FGF14: variants seen among roughly 807,000 people sequenced by gnomAD.
FGF14 encodes fibroblast growth factor homologous factor 4.
Under a neutral mutation model 25.5 loss-of-function variants are expected in FGF14, and 5 were observed. That is an observed-to-expected ratio of 0.20 (90% CI 0.10 to 0.41). The LOEUF (loss-of-function observed/expected upper bound fraction) is 0.41, where lower values mean the gene tolerates loss of function less well. Among genes scored for constraint, FGF14 ranks in the 10% least tolerant of loss-of-function variants. FGF14 has a pLI of 1.00. For missense variants in FGF14, 222 were observed against 320.1 expected (o/e 0.69, Z 2.34); for synonymous variants, 138 against 118.3 (o/e 1.17, Z -1.08).
At chr13:102,279,006 ATGAAC>A (rs1377781346) in intron 1 of FGF14, among the ~76,000 whole-genome samples, 3 of 152,218 alleles carry the variant, frequency 2.0e-5, no homozygotes, top group Non-Finnish European at 4.4e-5. Flanking sequence ...TTTGACATAT[ATGAAC>A]TGGATTGTTT....
At chr13:102,135,454 A>G (rs1408860703) in intron 1 of FGF14, among the ~76,000 whole-genome samples, 1 of 152,230 alleles carries the variant, frequency 6.6e-6, no homozygotes, top group Non-Finnish European at 1.5e-5. Flanking sequence ...GAATGCAATT[A>G]CAAAAAAGCT....
intron 3 of FGF14, among the ~76,000 whole-genome samples, chr13:101,835,122 A>G (rs1251401778): frequency 6.6e-6 from 1 of 152,074 alleles, no homozygotes. Context: ...ATTTCAAAAC[A>G]AGGTTTCAAA....
intron 3 of FGF14, among the ~76,000 whole-genome samples, chr13:101,759,042 T>C (rs1324388522): frequency 6.6e-6 from 1 of 152,238 alleles, no homozygotes; most frequent in East Asian, 1.9e-4. Flanking sequence ...GCTCTGACTA[T>C]GACTGCTTTC....
rs866834630 is a variant in FGF14, at chr13:101,852,251, C to G, written c.408+16474G>C. 6.6e-5 allele frequency among the ~76,000 whole-genome samples: 10 copies of G among 152,042 alleles called. No homozygotes were observed. In the South Asian group the frequency reaches 1.9e-3, roughly 28 times the overall value. The stretch of plus-strand genomic sequence containing the variant: ...CAAAGAAAAGCTGACGTCAAGAAAA[C>G]GTGGGTCTATGTACTTCAACTTTAT... On this transcript the variant is annotated intron_variant, in intron 3 of 4. Transcript: ENST00000376143.
intron 1 of FGF14, among the ~76,000 whole-genome samples, chr13:101,932,756 TAAA>T (rs869271842): frequency 9.1e-5 from 9 of 98,572 alleles, no homozygotes; most frequent in African/African-American, 3.7e-4. Context: ...AAAATTACAG[TAAA>T]AAAAAAAAAA....
At position 101,868,775 on chromosome 13, in the gene FGF14, T is replaced by C. The variant is rs756297243; in HGVS notation, c.358A>G (p.Lys120Glu). 1.2e-6 allele frequency: 2 copies of C among 1,613,820 alleles called. No individual in the cohort carries two copies. The highest frequency in any genetic ancestry group is 3.3e-5 in the Admixed American group (2 of 60,004). ...GLRVVAIQGV[K>E]TGLYIAMNGE... Reference sequence around the variant, plus strand: ...TTCATGGCTATATACAACCCTGTTTTCACTCCCTGGATGGCAACAACACGT... The same window carrying C: ...TTCATGGCTATATACAACCCTGTTTCCACTCCCTGGATGGCAACAACACGT... The change falls in exon 3 of 5, where the codon AAA becomes GAA. Residue 120 changes from lysine (K) to glutamate (E), a missense_variant. Lys to Glu is a moderately conservative substitution (Grantham distance 56). Transcript: ENST00000376143.
intron 1 of FGF14, among the ~76,000 whole-genome samples, chr13:102,208,570 T>C (rs1175138023): frequency 6.6e-6 from 1 of 152,194 alleles, no homozygotes; most frequent in Non-Finnish European, 1.5e-5. Flanking sequence ...CTTGGCTCCA[T>C]GCTACTAAGG....
At chr13:102,338,936 G>A (rs895370371) in intron 1 of FGF14, among the ~76,000 whole-genome samples, 7 of 151,446 alleles carry the variant, frequency 4.6e-5, no homozygotes, top group East Asian at 1.9e-4. Flanking sequence ...CCTTGAACCC[G>A]GGAGGTGGAG....
chr13:101,933,032 A>G lies in FGF14; in HGVS notation c.209-57736T>C, dbSNP rs536252098. 6.7e-4 allele frequency among the ~76,000 whole-genome samples: 102 copies of G among 152,202 alleles called. 4 individuals are homozygous for G. The South Asian group carries it at 0.021, about 31-fold the overall frequency. On this transcript the variant is annotated intron_variant, in intron 1 of 4. Transcript: ENST00000376131. ...TTTAAAATAATCTATTTTTGTCATA[A>G]TTTTTCACTCTATTCATCTCCATCT...
At chr13:101,897,214 C>G (rs1327776313) in intron 1 of FGF14, among the ~76,000 whole-genome samples, 1 of 152,178 alleles carries the variant, frequency 6.6e-6, no homozygotes, top group Non-Finnish European at 1.5e-5. Context: ...TGACAACTCA[C>G]AAATGCTCTC....
At chr13:102,319,549 G>T (rs1280854589) in intron 1 of FGF14, among the ~76,000 whole-genome samples, 3 of 152,200 alleles carry the variant, frequency 2.0e-5, no homozygotes, top group Non-Finnish European at 4.4e-5. Context: ...TGGGAGGAAG[G>T]CCACCAATTG....
Position 101,959,365 on chromosome 13 carries a change from C to T in FGF14, c.209-84069G>A, listed in dbSNP as rs564274187. ...CCCACAGTTGCCCATGGTGTGTGTT[C>T]TCTCTCGCTGCAATGTGTAGTAACA... On this transcript the variant is annotated intron_variant, in intron 1 of 4. Coordinates refer to the FGF14 transcript ENST00000376131. Among the ~76,000 whole-genome samples, 4 of 136,522 alleles carry T rather than the reference C, an allele frequency of 2.9e-5. No individual in the cohort carries two copies. In the South Asian group the frequency reaches 9.0e-4, roughly 31 times the overall value. 89.6% of individuals were successfully genotyped at this position (136,522 alleles called of 152,430 possible).
At chr13:101,862,009 A>G (rs939937313) in intron 3 of FGF14, among the ~76,000 whole-genome samples, 1 of 152,102 alleles carries the variant, frequency 6.6e-6, no homozygotes, top group Non-Finnish European at 1.5e-5. Flanking sequence ...ACTCTAGAAG[A>G]GGACTTTTGG....
At chr13:102,204,391 C>A (rs916846159) in intron 1 of FGF14, among the ~76,000 whole-genome samples, 2 of 152,140 alleles carry the variant, frequency 1.3e-5, no homozygotes, top group Non-Finnish European at 2.9e-5. Context: ...TCATCTCCCA[C>A]CCACTGTAAC....
chr13:101,789,642 C>CT (rs1415856284), intron 3 of FGF14, among the ~76,000 whole-genome samples: 1 of 152,090 alleles, frequency 6.6e-6, no homozygotes, highest in African/African-American at 2.4e-5. Flanking sequence ...GGTTCTCCAA[C>CT]TTTAAAAGGT....
intron 1 of FGF14, among the ~76,000 whole-genome samples, chr13:102,226,128 C>A (rs1594483135): frequency 6.6e-6 from 1 of 152,170 alleles, no homozygotes; most frequent in Non-Finnish European, 1.5e-5. Flanking sequence ...CTGGCCCGTC[C>A]CTTACAGCAC....
At chr13:101,776,637 G>A (rs1028890) in intron 3 of FGF14, among the ~76,000 whole-genome samples, 2 of 152,146 alleles carry the variant, frequency 1.3e-5, no homozygotes, top group African/African-American at 4.8e-5. Context: ...AGAACAAAAC[G>A]CATGGTTCTT....
intron 1 of FGF14, among the ~76,000 whole-genome samples, chr13:102,163,224 T>A (rs778206456): frequency 1.3e-5 from 2 of 152,184 alleles, no homozygotes; most frequent in Non-Finnish European, 2.9e-5. Flanking sequence ...AAATAAATGC[T>A]TACTGTATAG....
At chr13:102,334,438 A>C (rs9585893) in intron 1 of FGF14, among the ~76,000 whole-genome samples, 16,225 of 152,070 alleles carry the variant, frequency 0.11, 1,995 homozygotes, top group African/African-American at 0.3. Context: ...CCCCTAAATT[A>C]CTGCAGCCAG....
Sources: allele counts gnomAD v4.1 joint callset (sites outside exome capture counted in the v4.1 genomes callset), GRCh38; gene constraint gnomAD v4.1.1; transcripts MANE v1.5; gene names NCBI Gene and HGNC (gene_info 2026-07-23, HGNC 2026-07-21).